The following DLGAP4 variants were observed in gnomAD, a reference collection of about 807,000 sequenced individuals.
DLGAP4 encodes the protein DLG associated protein 4.
A neutral mutation model predicts 86.9 loss-of-function variants in DLGAP4; 18 were observed. The observed-to-expected ratio is 0.21, with a 90% CI of 0.14 to 0.31. The LOEUF (loss-of-function observed/expected upper bound fraction) is 0.31, where lower values mean the gene tolerates loss of function less well. Ranked by LOEUF, DLGAP4 falls within the 10% of genes least tolerant of loss-of-function variation. DLGAP4 has a pLI of 1.00. For synonymous variants in DLGAP4, 548 were observed against 574.3 expected (o/e 0.95, Z 0.65); for missense variants, 1,085 against 1,362.6 (o/e 0.80, Z 3.21).
intron 7 of DLGAP4, among the ~76,000 whole-genome samples, chr20:36,489,648 G>A (rs1231955333): frequency 2.0e-5 from 3 of 151,884 alleles, no homozygotes; most frequent in Admixed American, 6.6e-5. Context: ...GGTGGAAGAG[G>A]GACAAGAGGT....
At chr20:36,493,540 G>A (rs113073888) in intron 7 of DLGAP4, among the ~76,000 whole-genome samples, 6,764 of 152,258 alleles carry the variant, frequency 0.044, 523 homozygotes, top group African/African-American at 0.15. Flanking sequence ...TGCCTCCGTC[G>A]AGGCCCTTTC....
intron 7 of DLGAP4, among the ~76,000 whole-genome samples, chr20:36,476,971 G>A (rs924748185): frequency 1.2e-4 from 18 of 151,948 alleles, no homozygotes; most frequent in African/African-American, 4.4e-4. Flanking sequence ...GGGATTACAG[G>A]CGTGAGCTAC....
chr20:36,407,492 A>G (rs911229309), intron 2 of DLGAP4, among the ~76,000 whole-genome samples: 29 of 152,098 alleles, frequency 1.9e-4, no homozygotes, highest in African/African-American at 6.5e-4. Flanking sequence ...AGGGACTCAG[A>G]GTGTGGGAGA....
chr20:36,442,600 G>T, intron 5 of DLGAP4, 127 bp from the exon 6 acceptor site: 1 of 998,214 alleles, frequency 1.0e-6, no homozygotes, highest in Non-Finnish European at 1.6e-6. Context: ...CCTAGCAGCT[G>T]TGTCCCAGCC....
chr20:36,475,710 T>A (rs952871456), intron 7 of DLGAP4, among the ~76,000 whole-genome samples: 1 of 152,200 alleles, frequency 6.6e-6, no homozygotes, highest in African/African-American at 2.4e-5. Flanking sequence ...AATCAGAAAA[T>A]TTTTAAAAAT....
chr20:36,344,542 G>A (rs2147379158), intron 1 of DLGAP4, among the ~76,000 whole-genome samples: 1 of 152,316 alleles, frequency 6.6e-6, no homozygotes, highest in Admixed American at 6.5e-5. Context: ...CACAAAAGAG[G>A]AGCTGGCCTG....
At chr20:36,477,184 C>T (rs962490477) in intron 7 of DLGAP4, among the ~76,000 whole-genome samples, 8 of 151,814 alleles carry the variant, frequency 5.3e-5, no homozygotes, top group Non-Finnish European at 5.9e-5. Context: ...GCAACCTCGC[C>T]TCCTAGGTCC....
At chr20:36,427,501 GGGAAGGAA>G (rs557209124) in intron 2 of DLGAP4, among the ~76,000 whole-genome samples, 11 of 150,354 alleles carry the variant, frequency 7.3e-5, no homozygotes, top group East Asian at 5.9e-4. Context: ...GAGGGAGGGA[GGGAAGGAA>G]GGAAGGAAGG....
At chr20:36,490,904 C>G (rs938947291) in intron 7 of DLGAP4, among the ~76,000 whole-genome samples, 1 of 151,880 alleles carries the variant, frequency 6.6e-6, no homozygotes, top group African/African-American at 2.4e-5. Flanking sequence ...CAATAAAAAA[C>G]AAAATGCAGG....
intron 3 of DLGAP4, among the ~76,000 whole-genome samples, chr20:36,434,007 G>A (rs1402546312): frequency 6.8e-6 from 1 of 147,400 alleles, no homozygotes; most frequent in African/African-American, 2.5e-5. Context: ...GCAATGGCAG[G>A]ATCCTGGCTC....
rs778564325 is a variant in DLGAP4 at position 36,439,783 on chromosome 20, T to A, written c.1271T>A (p.Met424Lys). 1.2e-6 allele frequency: 2 copies of A among 1,613,570 alleles called. No homozygotes were observed. The highest frequency in any genetic ancestry group is 1.7e-6 in the Non-Finnish European group (2 of 1,179,956). ...RSLDRLDSVD[M>K]LLPSKCPSWE... Reference sequence around the variant, plus strand: ...CTGGACCGCCTGGATTCAGTGGACATGCTGCTGCCCTCCAAGTGTCCGAGC... The same window carrying A: ...CTGGACCGCCTGGATTCAGTGGACAAGCTGCTGCCCTCCAAGTGTCCGAGC... Residue 424 changes from methionine to lysine, a missense_variant, in exon 5 of 13, where the codon ATG (methionine) becomes AAG (lysine). Physicochemically the swap from Met to Lys is moderately conservative, Grantham distance 95. This residue lies in a region of DLGAP4 where 1,082 missense variants were observed against 1,344.1 expected (regional missense o/e 0.81). Transcript: ENST00000339266.
chr20:36,485,100 C>T (rs2035352277), intron 7 of DLGAP4, among the ~76,000 whole-genome samples: 1 of 152,088 alleles, frequency 6.6e-6, no homozygotes. Flanking sequence ...AAATTATTTT[C>T]TTTGGCCGGG....
chr20:36,426,313 A>G (rs1569495253), intron 2 of DLGAP4, among the ~76,000 whole-genome samples: 1 of 152,168 alleles, frequency 6.6e-6, no homozygotes, highest in African/African-American at 2.4e-5. Flanking sequence ...TCAAGAGTTC[A>G]AGACCAGCCT....
rs1449608602 is a variant in DLGAP4, at chr20:36,346,909, G to A, written c.-303-20136G>A. 3.3e-5 allele frequency among the ~76,000 whole-genome samples: 5 copies of A among 152,160 alleles called. No individual in the cohort carries two copies. In the East Asian group the frequency reaches 9.6e-4, roughly 29 times the overall value. On this transcript the variant is annotated intron_variant, in intron 1 of 12. Coordinates refer to ENST00000339266, the MANE Select transcript of DLGAP4 (RefSeq NM_001365621.2). ...TGGGGAGGGGTTTCTTGTAACAGGG[G>A]CCTTCAGTACCTCGGCCCAAGACAG...
chr20:36,378,192 G>A (rs560648717), intron 2 of DLGAP4, among the ~76,000 whole-genome samples: 4 of 152,282 alleles, frequency 2.6e-5, no homozygotes, highest in South Asian at 2.1e-4. Context: ...GGTTTGGGAC[G>A]GTAGATACCA....
Position 36,365,398 on chromosome 20 carries a change from C to T in DLGAP4, c.-303-1647C>T, listed in dbSNP as rs536232448. On this transcript the variant is annotated intron_variant, in intron 1 of 12. Coordinates refer to ENST00000339266, the MANE Select transcript of DLGAP4 (RefSeq NM_001365621.2). ...AATCTTGAAATCTTTTATGCATCTT[C>T]GAGAATTTGTGTCTACTGACTCAGA... Among the ~76,000 whole-genome samples, 13 of 152,366 alleles carry T rather than the reference C, an allele frequency of 8.5e-5. No homozygotes were observed. In the East Asian group the frequency reaches 2.3e-3, roughly 27 times the overall value.
At chr20:36,430,387 G>T (rs1181971992) in intron 2 of DLGAP4, among the ~76,000 whole-genome samples, 1 of 152,162 alleles carries the variant, frequency 6.6e-6, no homozygotes, top group Non-Finnish European at 1.5e-5. Context: ...GTCATACTTG[G>T]TAGACATTCG....
Position 36,528,563 on chromosome 20 carries a change from G to C in DLGAP4, c.*1532G>C, listed in dbSNP as rs1246133663. Reference sequence around the variant, plus strand: ...TCTGTGTGCCTCAACTTCCTCCTCTGTAAAACGGGGACAGTCCCTGCCCCT... The same window carrying C: ...TCTGTGTGCCTCAACTTCCTCCTCTCTAAAACGGGGACAGTCCCTGCCCCT... On this transcript the variant is annotated 3_prime_UTR_variant, in exon 13 of 13. Coordinates refer to ENST00000339266, the MANE Select transcript of DLGAP4 (RefSeq NM_001365621.2). 1 of 152,452 alleles carries C rather than the reference G, an allele frequency of 6.6e-6. No homozygotes were observed. Among genetic ancestry groups the C allele is most frequent in the East Asian group, 1.9e-4 (1 of 5,160 alleles). The allele number at this position is 152,452 out of a possible 1,614,324, so 9.4% of individuals were successfully genotyped here. A position where few individuals can be genotyped will look rare whatever the true frequency, so the allele number is the denominator to read the frequency against.
chr20:36,365,367 A>G (rs1364355218), intron 1 of DLGAP4, among the ~76,000 whole-genome samples: 4 of 152,226 alleles, frequency 2.6e-5, no homozygotes, highest in African/African-American at 9.6e-5. Flanking sequence ...TTCACACCTT[A>G]TGGTGAATCT....
Sources: allele counts gnomAD v4.1 joint callset (sites outside exome capture counted in the v4.1 genomes callset), GRCh38; gene constraint gnomAD v4.1.1; regional missense constraint gnomAD v4.1.1; transcripts MANE v1.5; gene names NCBI Gene and HGNC (gene_info 2026-07-23, HGNC 2026-07-21).